SLF2: variants seen among roughly 807,000 people sequenced by gnomAD.
SLF2 encodes the protein SMC5-SMC6 complex localization factor protein 2.
A neutral mutation model predicts 124.3 loss-of-function variants in SLF2; 68 were observed. The observed-to-expected ratio is 0.55, with a 90% CI of 0.45 to 0.67. The LOEUF is 0.67. Among genes scored for constraint, SLF2 ranks in the 30% least tolerant of loss-of-function variants. The pLI, the probability that SLF2 is intolerant of heterozygous loss-of-function variation, is 0.00. For missense variants in SLF2, 1,246 were observed against 1,373.7 expected, an observed-to-expected ratio of 0.91 and a Z score of 1.47; for synonymous variants, 480 against 478.8, an observed-to-expected ratio of 1.00 and a Z score of -0.03.
chr10:100,914,310 G>A (rs1206564724), intron 1 of SLF2, among the ~76,000 whole-genome samples: 1 of 117,894 alleles, frequency 8.5e-6, no homozygotes, highest in Non-Finnish European at 2.1e-5. Flanking sequence ...GTGTGTGTGT[G>A]TGTTTTTTTT....
At chr10:100,937,987 G>A (rs1564778318) in intron 10 of SLF2, among the ~76,000 whole-genome samples, 1 of 152,132 alleles carries the variant, frequency 6.6e-6, no homozygotes, top group African/African-American at 2.4e-5. Flanking sequence ...TTGAGAAAAA[G>A]AATATAAGAT....
intron 10 of SLF2, 131 bp downstream of exon 10, chr10:100,937,608 G>A (rs1038546471): frequency 9.6e-5 from 57 of 593,754 alleles, no homozygotes; most frequent in South Asian, 6.3e-4. Context: ...ATCAAAAGTC[G>A]TTTTTTTTGG....
At chr10:100,946,578 C>T (rs1467580874) in intron 13 of SLF2, among the ~76,000 whole-genome samples, 2 of 152,052 alleles carry the variant, frequency 1.3e-5, no homozygotes, top group Non-Finnish European at 2.9e-5. Flanking sequence ...TCACCTCCCT[C>T]GGCCTCCCAA....
At chr10:100,931,611 G>A (rs1174825271) in intron 9 of SLF2, among the ~76,000 whole-genome samples, 1 of 152,036 alleles carries the variant, frequency 6.6e-6, no homozygotes, top group Non-Finnish European at 1.5e-5. Context: ...AAATATCAGT[G>A]GTATCATTGA....
At chr10:100,933,111 A>C (rs1476859866) in intron 9 of SLF2, among the ~76,000 whole-genome samples, 1 of 152,162 alleles carries the variant, frequency 6.6e-6, no homozygotes, top group Non-Finnish European at 1.5e-5. Flanking sequence ...CAAAAAAACA[A>C]ACAAAAAATT....
intron 6 of SLF2, chr10:100,926,267 C>T (rs1253526778): frequency 6.7e-7 from 1 of 1,499,554 alleles, no homozygotes; most frequent in African/African-American, 1.4e-5. Flanking sequence ...CGTGATGGCG[C>T]CACTTCACTG....
At chr10:100,955,226 T>C (rs1850307859) in intron 17 of SLF2, among the ~76,000 whole-genome samples, 1 of 151,328 alleles carries the variant, frequency 6.6e-6, no homozygotes, top group Non-Finnish European at 1.5e-5. Context: ...AGGTGTGAGC[T>C]ACCTCGCCCG....
chr10:100,932,616 G>A (rs1417502598), intron 9 of SLF2, among the ~76,000 whole-genome samples: 2 of 152,032 alleles, frequency 1.3e-5, no homozygotes, highest in African/African-American at 4.8e-5. Flanking sequence ...CCAGGCACTG[G>A]AGAGAACAGC....
rs148958080 is a variant in SLF2 at position 100,921,525 on chromosome 10, A to G, written c.974-2450A>G. Among the ~76,000 whole-genome samples, 961 of 152,332 alleles carry G rather than the reference A, an allele frequency of 6.3e-3. 11 individuals carry two copies. The highest frequency in any genetic ancestry group is 0.033 in the Admixed American group (504 of 15,306). On this transcript the variant is annotated intron_variant, in intron 4 of 19. Transcript: ENST00000238961. ...CAAAAAGAATTATGAACATTTTGCA[A>G]TTAATCACCTGACCTGAAGAGCTTG...
At chr10:100,936,935 C>T (rs568071324) in intron 9 of SLF2, among the ~76,000 whole-genome samples, 14 of 151,662 alleles carry the variant, frequency 9.2e-5, no homozygotes, top group African/African-American at 3.4e-4. Context: ...ACCTTCTCCA[C>T]GTATCATATA....
In SLF2 at chr10:100,929,871, C is replaced by T. The variant is rs767676117; in HGVS notation, c.2207C>T (p.Pro736Leu). Residue 736 changes from proline (P) to leucine (L), a missense_variant, in exon 8 of 20, where the codon CCT becomes CTT. Pro to Leu is a moderately conservative substitution (Grantham distance 98, BLOSUM62 -3). Around this residue, in one of 3 missense-constraint regions of SLF2, gnomAD observed 535 missense variants for 632.8 expected, o/e 0.85. Transcript: ENST00000238961. ...KKFSVTIDAI[P>L]DHHPGEEIFN... ...TTTTCAGTTACAATTGATGCTATTC[C>T]TGATCATCATCCAGGTGAAGAAATA... 1 of 1,592,220 alleles carries T rather than the reference C, an allele frequency of 6.3e-7. No individual in the cohort carries two copies. Among genetic ancestry groups the T allele is most frequent in the Non-Finnish European group, 8.5e-7 (1 of 1,173,468 alleles).
intron 17 of SLF2, among the ~76,000 whole-genome samples, chr10:100,954,261 A>C (rs973209331): frequency 3.3e-5 from 5 of 152,100 alleles, no homozygotes; most frequent in Non-Finnish European, 7.3e-5. Flanking sequence ...TTGTCTCAAA[A>C]AAATATATAA....
intron 9 of SLF2, among the ~76,000 whole-genome samples, chr10:100,935,449 G>A (rs977842698): frequency 1.1e-4 from 16 of 151,130 alleles, no homozygotes; most frequent in Admixed American, 2.6e-4. Context: ...GCCTGTAATC[G>A]CAGCACTTTG....
intron 9 of SLF2, among the ~76,000 whole-genome samples, chr10:100,931,553 A>G (rs1213439235): frequency 1.3e-5 from 2 of 152,168 alleles, no homozygotes; most frequent in Admixed American, 1.3e-4. Flanking sequence ...ATTATCTTAA[A>G]TTTAAGATAT....
rs1045705126 is a variant in SLF2, at chr10:100,950,575, G to A, written c.3253-101G>A. On this transcript the variant is annotated intron_variant, in intron 16 of 19. Coordinates refer to ENST00000238961, the MANE Select transcript of SLF2 (RefSeq NM_018121.4). ...ACTGACCAGCTGGGTTAACTTGACC[G>A]TATCCTTTATCCTTCCTGGGCAATT... The A allele has an allele frequency of 5.4e-5, 53 of 982,324 alleles. 1 individual carries two copies. Among genetic ancestry groups the A allele is most frequent in the East Asian group, 1.0e-4 (4 of 39,570 alleles). 60.9% of individuals were successfully genotyped at this position (982,324 alleles called of 1,614,324 possible).
chr10:100,936,951 G>C (rs1017009967), intron 9 of SLF2, among the ~76,000 whole-genome samples: 7 of 151,760 alleles, frequency 4.6e-5, no homozygotes, highest in Admixed American at 1.3e-4. Flanking sequence ...ATATATATTA[G>C]TTGGGTAGAA....
intron 4 of SLF2, among the ~76,000 whole-genome samples, chr10:100,921,788 T>C (rs957600467): frequency 6.6e-6 from 1 of 152,342 alleles, no homozygotes; most frequent in African/African-American, 2.4e-5. Context: ...CTGTAGCTCA[T>C]TTTTTGTAAT....
At chr10:100,936,397 G>A (rs1222224605) in intron 9 of SLF2, among the ~76,000 whole-genome samples, 8 of 151,996 alleles carry the variant, frequency 5.3e-5, no homozygotes, top group East Asian at 3.9e-4. Flanking sequence ...GCAGTGGCAC[G>A]ATCTCAGCTC....
chr10:100,938,871 C>T (rs867236075), intron 11 of SLF2, 135 bp downstream of exon 11: 3 of 729,286 alleles, frequency 4.1e-6, no homozygotes, highest in Non-Finnish European at 4.1e-6. Context: ...GAATTAGATA[C>T]ATTTTTAACA....
Sources: gnomAD v4.1 joint callset for allele counts (sites outside exome capture counted in the v4.1 genomes callset) on GRCh38, gnomAD v4.1.1 for gene constraint, gnomAD v4.1.1 regional missense constraint, MANE v1.5 for transcripts, NCBI Gene and HGNC (gene_info 2026-07-23, HGNC 2026-07-21) for gene names.